Variants in COL25A1 observed in about 807,000 individuals in gnomAD.
The protein encoded by COL25A1 is collagen type XXV alpha 1 chain.
COL25A1 carries 103 observed loss-of-function variants against 128.4 expected under a neutral mutation model. That is an observed-to-expected ratio of 0.80 (90% CI 0.68 to 0.94). COL25A1 has a LOEUF of 0.94. Among genes scored for constraint, COL25A1 ranks in the 40% least tolerant of loss-of-function variants. The pLI, the probability that COL25A1 is intolerant of heterozygous loss-of-function variation, is 0.00. For missense variants in COL25A1, 745 were observed against 840.0 expected, an observed-to-expected ratio of 0.89 and a Z score of 1.40; for synonymous variants, 279 against 277.2, an observed-to-expected ratio of 1.01 and a Z score of -0.06.
At position 109,227,714 on chromosome 4, in the gene COL25A1, A is replaced by C. The variant is rs576877949; in HGVS notation, c.367+72869T>G. On this transcript the variant is annotated intron_variant, in intron 3 of 37. Transcript: ENST00000399132. ...TCCACTGTGTTATAAGGAATATATA[A>C]GAAAAAAATGATATTCAGCTTCCTG... 2.6e-5 allele frequency among the ~76,000 whole-genome samples: 4 copies of C among 152,338 alleles called. No individual in the cohort carries two copies. The South Asian group carries it at 8.3e-4, about 32-fold the overall frequency.
At chr4:108,972,987 T>A (rs527812551) in intron 8 of COL25A1, among the ~76,000 whole-genome samples, 10 of 152,324 alleles carry the variant, frequency 6.6e-5, no homozygotes, top group Admixed American at 3.3e-4. Flanking sequence ...GCATGCATAC[T>A]GATGACAGCT....
intron 8 of COL25A1, among the ~76,000 whole-genome samples, chr4:108,966,147 G>C (rs1411428627): frequency 6.6e-6 from 1 of 152,116 alleles, no homozygotes; most frequent in African/African-American, 2.4e-5. Flanking sequence ...GCTCCATATA[G>C]TGAGTTCTAA....
At chr4:108,968,999 T>C (rs1751623907) in intron 8 of COL25A1, among the ~76,000 whole-genome samples, 1 of 152,122 alleles carries the variant, frequency 6.6e-6, no homozygotes, top group Non-Finnish European at 1.5e-5. Flanking sequence ...TGACTGCTTT[T>C]TAAAAAAACT....
chr4:109,129,085 G>A (rs371991813), intron 3 of COL25A1, among the ~76,000 whole-genome samples: 16 of 152,110 alleles, frequency 1.1e-4, no homozygotes, highest in African/African-American at 3.1e-4. Context: ...TTGGGAATCA[G>A]TGAAATAATT....
chr4:109,124,152 C>T (rs1579441929), intron 3 of COL25A1, among the ~76,000 whole-genome samples: 1 of 152,084 alleles, frequency 6.6e-6, no homozygotes, highest in African/African-American at 2.4e-5. Context: ...GTAAAATCAG[C>T]ATTTTACTTC....
intron 12 of COL25A1, 52 bp from the exon 13 acceptor site, chr4:108,918,268 A>G: frequency 7.6e-7 from 1 of 1,310,572 alleles, no homozygotes; most frequent in Non-Finnish European, 1.1e-6. Flanking sequence ...AAATATTTCA[A>G]TTCTAAATTT....
chr4:109,167,817 G>A (rs1773215143), intron 3 of COL25A1, among the ~76,000 whole-genome samples: 1 of 151,860 alleles, frequency 6.6e-6, no homozygotes, highest in Non-Finnish European at 1.5e-5. Flanking sequence ...AATGCTCTGG[G>A]GACAAATAAC....
rs558335383 is a variant in COL25A1 at position 109,146,635 on chromosome 4, T to G, written c.368-96456A>C. Among the ~76,000 whole-genome samples, 141 of 152,326 alleles carry G rather than the reference T, an allele frequency of 9.3e-4. 1 individual carries two copies. The highest frequency in any genetic ancestry group is 1.6e-3 in the Non-Finnish European group (112 of 68,034). On this transcript the variant is annotated intron_variant, in intron 3 of 37. Coordinates refer to ENST00000399132, the MANE Select transcript of COL25A1 (RefSeq NM_198721.4). The stretch of plus-strand genomic sequence containing the variant: ...CAGGGGCTGAAATGGTCAAACACTT[T>G]TAGCTTCAAAACAGCAACTGAAAGG...
intron 3 of COL25A1, among the ~76,000 whole-genome samples, chr4:109,237,259 A>G (rs1317997518): frequency 6.6e-6 from 1 of 152,116 alleles, no homozygotes; most frequent in Admixed American, 6.6e-5. Flanking sequence ...GTTACAAAAA[A>G]TAAGTGCTGA....
At chr4:109,057,421 ATTTTTTTTTT>A (rs776941019) in intron 3 of COL25A1, among the ~76,000 whole-genome samples, 16 of 20,238 alleles carry the variant, frequency 7.9e-4, no homozygotes, top group East Asian at 2.4e-3. Context: ...TGCCTAGCTA[ATTTTTTTTTT>A]TTTTTTTTTT....
chr4:109,170,365 T>C (rs1168173073), intron 3 of COL25A1, among the ~76,000 whole-genome samples: 2 of 152,162 alleles, frequency 1.3e-5, no homozygotes, highest in Middle Eastern at 3.2e-3. Flanking sequence ...TTTATTCAAA[T>C]AGAGAACTGG....
chr4:108,817,569 AG>A, intron 36 of COL25A1, 134 bp from the exon 37 acceptor site: 1 of 662,794 alleles, frequency 1.5e-6, no homozygotes, highest in Non-Finnish European at 2.6e-6. Context: ...TTTACTAATT[AG>A]CAACTCCCGA....
intron 3 of COL25A1, among the ~76,000 whole-genome samples, chr4:109,197,360 A>ATTATATAT (rs1268157224): frequency 3.8e-4 from 49 of 130,578 alleles, no homozygotes; most frequent in African/African-American, 1.2e-3. Context: ...TATTATATAT[A>ATTATATAT]AAAATATATA....
intron 21 of COL25A1, 30 bp downstream of exon 21, chr4:108,863,289 T>C (rs773652631): frequency 1.2e-6 from 2 of 1,600,724 alleles, no homozygotes; most frequent in Non-Finnish European, 1.7e-6. Context: ...AGCCAGAGAA[T>C]GGTTATTTTC....
At chr4:109,208,186 T>C (rs1777160884) in intron 3 of COL25A1, among the ~76,000 whole-genome samples, 1 of 152,200 alleles carries the variant, frequency 6.6e-6, no homozygotes, top group Admixed American at 6.6e-5. Flanking sequence ...TTGCATTTTA[T>C]CTACCATGCA....
intron 3 of COL25A1, among the ~76,000 whole-genome samples, chr4:109,112,131 G>A (rs1008523548): frequency 6.6e-6 from 1 of 151,988 alleles, no homozygotes; most frequent in African/African-American, 2.4e-5. Context: ...TGACTGAACT[G>A]ATTTAGTATA....
chr4:109,077,143 G>T (rs1032898505), intron 3 of COL25A1, among the ~76,000 whole-genome samples: 7 of 152,188 alleles, frequency 4.6e-5, no homozygotes, highest in African/African-American at 1.7e-4. Context: ...TAAGTAAAGG[G>T]TTTGATAAGT....
chr4:109,189,772 C>A (rs1775442609), intron 3 of COL25A1, among the ~76,000 whole-genome samples: 1 of 152,010 alleles, frequency 6.6e-6, no homozygotes, highest in Non-Finnish European at 1.5e-5. Context: ...CTGTATTTAT[C>A]TATTTTTTTG....
At chr4:108,841,872 C>T (rs1219000579) in intron 30 of COL25A1, 151 bp from the exon 31 acceptor site, 2 of 656,836 alleles carry the variant, frequency 3.0e-6, no homozygotes, top group Middle Eastern at 4.0e-4. Context: ...TTATTTATTA[C>T]CCACCAAAAG....
Sources: allele counts gnomAD v4.1 joint callset (sites outside exome capture counted in the v4.1 genomes callset), GRCh38; gene constraint gnomAD v4.1.1; transcripts MANE v1.5; gene names NCBI Gene and HGNC (gene_info 2026-07-23, HGNC 2026-07-21).